SLC2A13: variants seen among roughly 807,000 people sequenced by gnomAD.
The protein encoded by SLC2A13 is proton myo-inositol cotransporter.
Under a neutral mutation model 64.4 loss-of-function variants are expected in SLC2A13, and 32 were observed. The observed-to-expected ratio is 0.50, with a 90% CI of 0.37 to 0.67. The LOEUF (loss-of-function observed/expected upper bound fraction) is 0.67. Ranked by LOEUF, SLC2A13 falls within the 30% of genes least tolerant of loss-of-function variation. The pLI, the probability that SLC2A13 is intolerant of heterozygous loss-of-function variation, is 0.00. For synonymous variants in SLC2A13, 338 were observed against 327.1 expected (o/e 1.03, Z -0.36); for missense variants, 743 against 829.2 (o/e 0.90, Z 1.28).
intron 4 of SLC2A13, among the ~76,000 whole-genome samples, chr12:39,883,597 T>G (rs567985426): frequency 7.9e-5 from 12 of 152,154 alleles, no homozygotes; most frequent in Admixed American, 3.9e-4. Context: ...TGGCATTTAC[T>G]TCCTGAAAAA....
chr12:39,844,774 C>T (rs1000119757), intron 6 of SLC2A13, among the ~76,000 whole-genome samples: 2 of 151,896 alleles, frequency 1.3e-5, no homozygotes, highest in African/African-American at 4.8e-5. Context: ...ATATTCTTCC[C>T]TCATCTGACA....
intron 2 of SLC2A13, among the ~76,000 whole-genome samples, chr12:40,044,662 T>C (rs945899603): frequency 1.3e-5 from 2 of 152,168 alleles, no homozygotes; most frequent in African/African-American, 4.8e-5. Flanking sequence ...CTAGAGAAAG[T>C]AAACTTCCAG....
At chr12:40,012,864 C>A (rs1048599112) in intron 3 of SLC2A13, among the ~76,000 whole-genome samples, 1 of 152,192 alleles carries the variant, frequency 6.6e-6, no homozygotes, top group African/African-American at 2.4e-5. Flanking sequence ...CACACTCCAG[C>A]ACTCAGAGAT....
intron 7 of SLC2A13, among the ~76,000 whole-genome samples, chr12:39,790,294 T>G (rs1448185088): frequency 6.6e-6 from 1 of 151,572 alleles, no homozygotes; most frequent in East Asian, 1.9e-4. Context: ...TATGTATACA[T>G]GTGCTGTGCT....
intron 2 of SLC2A13, among the ~76,000 whole-genome samples, chr12:40,046,015 A>G (rs1390233566): frequency 1.3e-5 from 2 of 152,232 alleles, no homozygotes; most frequent in Admixed American, 1.3e-4. Context: ...AGTAGCATCC[A>G]TCTTTTACTC....
chr12:39,785,070 A>G (rs1941136354), intron 7 of SLC2A13, among the ~76,000 whole-genome samples: 1 of 152,208 alleles, frequency 6.6e-6, no homozygotes, highest in Admixed American at 6.5e-5. Context: ...GGAGAAATTC[A>G]AGCCGGCTGC....
chr12:40,085,195 A>C (rs1486182627), intron 1 of SLC2A13, among the ~76,000 whole-genome samples: 1 of 152,220 alleles, frequency 6.6e-6, no homozygotes, highest in Non-Finnish European at 1.5e-5. Flanking sequence ...GACCCTTCCA[A>C]GTCTTGCCCT....
intron 4 of SLC2A13, among the ~76,000 whole-genome samples, chr12:39,914,365 C>A (rs1592279348): frequency 1.3e-5 from 2 of 151,912 alleles, no homozygotes; most frequent in South Asian, 4.1e-4. Context: ...AATCAGAAAA[C>A]CCAGTAAAAC....
chr12:39,808,758 C>T (rs775668760), intron 7 of SLC2A13, among the ~76,000 whole-genome samples: 1 of 151,976 alleles, frequency 6.6e-6, no homozygotes, highest in Non-Finnish European at 1.5e-5. Flanking sequence ...AATCTTTTGG[C>T]GTCTTTTGAA....
chr12:39,897,802 T>C (rs1565529815), intron 4 of SLC2A13, among the ~76,000 whole-genome samples: 1 of 152,156 alleles, frequency 6.6e-6, no homozygotes, highest in African/African-American at 2.4e-5. Flanking sequence ...ATTACTTACA[T>C]TTGTTTGAAG....
At chr12:39,974,924 C>G (rs1364154921) in intron 3 of SLC2A13, among the ~76,000 whole-genome samples, 2 of 152,138 alleles carry the variant, frequency 1.3e-5, no homozygotes, top group Non-Finnish European at 2.9e-5. Flanking sequence ...TTGAATTAAT[C>G]AAGTGTTTTG....
intron 7 of SLC2A13, among the ~76,000 whole-genome samples, chr12:39,811,335 T>C (rs1942151765): frequency 6.6e-6 from 1 of 152,088 alleles, no homozygotes; most frequent in Non-Finnish European, 1.5e-5. Context: ...ATTATATCTT[T>C]CCTTCTAATT....
At chr12:39,884,628 G>T (rs1944426973) in intron 4 of SLC2A13, among the ~76,000 whole-genome samples, 1 of 152,160 alleles carries the variant, frequency 6.6e-6, no homozygotes, top group African/African-American at 2.4e-5. Flanking sequence ...TTCAGGGAGG[G>T]TGGGAGCCCA....
chr12:39,935,518 G>A (rs573195042), intron 4 of SLC2A13, among the ~76,000 whole-genome samples: 1 of 152,206 alleles, frequency 6.6e-6, no homozygotes. Context: ...AAAACAGTCA[G>A]TAGTAACTAA....
intron 5 of SLC2A13, among the ~76,000 whole-genome samples, chr12:39,866,808 G>GT (rs2135931206): frequency 6.6e-6 from 1 of 152,304 alleles, no homozygotes; most frequent in East Asian, 1.9e-4. Context: ...TAACATGTTA[G>GT]TTATTATGCT....
chr12:39,857,356 T>C (rs148057056), intron 6 of SLC2A13, among the ~76,000 whole-genome samples: 254 of 152,322 alleles, frequency 1.7e-3, no homozygotes, highest in Non-Finnish European at 2.4e-3. Flanking sequence ...TGTTGCTAAG[T>C]AGACCACAGT....
At chr12:40,092,427 T>C (rs2136298208) in intron 1 of SLC2A13, among the ~76,000 whole-genome samples, 1 of 152,342 alleles carries the variant, frequency 6.6e-6, no homozygotes, top group Admixed American at 6.5e-5. Flanking sequence ...GAATTAAATC[T>C]GGATGATTTA....
intron 7 of SLC2A13, among the ~76,000 whole-genome samples, chr12:39,794,123 C>CAAAAAAAAAAA (rs36179669): frequency 2.6e-5 from 2 of 78,372 alleles, no homozygotes; most frequent in African/African-American, 5.1e-5. Flanking sequence ...GGCCAAATTG[C>CAAAAAAAAAAA]AAAAAAAAAA....
intron 3 of SLC2A13, among the ~76,000 whole-genome samples, chr12:40,021,416 A>G (rs1947715679): frequency 6.6e-6 from 1 of 152,216 alleles, no homozygotes; most frequent in Non-Finnish European, 1.5e-5. Flanking sequence ...AGCATGCCTA[A>G]GAAAATAAGT....
Sources: allele counts gnomAD v4.1 joint callset (sites outside exome capture counted in the v4.1 genomes callset), GRCh38; gene constraint gnomAD v4.1.1; transcripts MANE v1.5; gene names NCBI Gene and HGNC (gene_info 2026-07-23, HGNC 2026-07-21).